Variants in TAF12 observed in about 807,000 individuals in gnomAD.
TAF12 encodes the protein transcription initiation factor TFIID subunit 12.
In TAF12, 3 loss-of-function variants were observed where a neutral mutation model predicts 20.8. The ratio of observed to expected loss-of-function variants is 0.14; its 90% CI spans 0.07 to 0.37. The LOEUF is 0.37. Ranked by LOEUF, TAF12 falls within the 10% of genes least tolerant of loss-of-function variation. The probability of loss-of-function intolerance (pLI) is 1.00; values close to 1 mark genes in which losing one functional copy is unlikely to be tolerated. For synonymous variants in TAF12, 69 were observed against 70.2 expected, an observed-to-expected ratio of 0.98 and a Z score of 0.09; for missense variants, 131 against 197.9, an observed-to-expected ratio of 0.66 and a Z score of 2.03.
intron 5 of TAF12, 142 bp from the exon 6 acceptor site, chr1:28,603,716 T>TG: frequency 1.3e-6 from 1 of 765,102 alleles, no homozygotes; most frequent in Non-Finnish European, 2.2e-6. Flanking sequence ...GGCATCTCAG[T>TG]AGATTCCTTT....
chr1:28,622,550 T>C (rs1667253256), intron 1 of TAF12, among the ~76,000 whole-genome samples: 1 of 151,996 alleles, frequency 6.6e-6, no homozygotes, highest in South Asian at 2.1e-4. Flanking sequence ...GTCCACAAAA[T>C]TTAAACAAGG....
At chr1:28,609,844 G>C (rs1292414531) in intron 4 of TAF12, among the ~76,000 whole-genome samples, 3 of 152,026 alleles carry the variant, frequency 2.0e-5, no homozygotes, top group Non-Finnish European at 4.4e-5. Context: ...CTCCCAAATT[G>C]AGGATATCCA....
At chr1:28,619,725 T>C (rs965251438) in intron 2 of TAF12, among the ~76,000 whole-genome samples, 2 of 113,118 alleles carry the variant, frequency 1.8e-5, no homozygotes, top group Non-Finnish European at 3.6e-5. Flanking sequence ...CTGAGGCGGG[T>C]GGATAACCTG....
At position 28,627,340 on chromosome 1, in the gene TAF12, A is replaced by C. The variant is rs192852405; in HGVS notation, c.-84-5175T>G. On this transcript the variant is annotated intron_variant, in intron 1 of 5. Coordinates refer to ENST00000373824, the MANE Select transcript of TAF12 (RefSeq NM_005644.4). ...GAGACAGAGGTTGCAGTGAGCTGAG[A>C]TAAGGCCACTGCACTCCAGCCTGGG... Among the ~76,000 whole-genome samples the C allele has an allele frequency of 2.7e-4, 40 of 149,444 alleles. 1 individual carries two copies. In the East Asian group the frequency reaches 7.3e-3, roughly 27 times the overall value.
intron 4 of TAF12, among the ~76,000 whole-genome samples, chr1:28,610,540 C>G (rs1286187628): frequency 1.3e-5 from 2 of 152,026 alleles, no homozygotes; most frequent in Non-Finnish European, 2.9e-5. Flanking sequence ...GTCTTGAACT[C>G]CTGGGCTGAA....
intron 2 of TAF12, among the ~76,000 whole-genome samples, chr1:28,621,656 A>G (rs1399983067): frequency 2.6e-5 from 4 of 152,312 alleles, no homozygotes; most frequent in Admixed American, 2.6e-4. Context: ...ATAATTTGCT[A>G]AAGAATGTTC....
At chr1:28,631,002 G>A (rs1277808789) in intron 1 of TAF12, among the ~76,000 whole-genome samples, 22 of 139,444 alleles carry the variant, frequency 1.6e-4, no homozygotes, top group Non-Finnish European at 3.0e-4. Context: ...CTGAGACCGT[G>A]CCACTGCACT....
chr1:28,603,536 G>A lies in TAF12; in HGVS notation c.*3C>T. ...GCTGTCCATTCCCTGACCTTTCCGTGTGTTATTTCTTGGTTGTTTTCCGGA... is the reference window on the plus strand; with the variant it reads ...GCTGTCCATTCCCTGACCTTTCCGTATGTTATTTCTTGGTTGTTTTCCGGA... On this transcript the variant is annotated 3_prime_UTR_variant, in exon 6 of 6. Transcript: ENST00000373824. 10 of 1,613,758 alleles carry A rather than the reference G, an allele frequency of 6.2e-6. No homozygotes were observed. Among genetic ancestry groups the A allele is most frequent in the Non-Finnish European group, 8.5e-6 (10 of 1,180,002 alleles).
chr1:28,641,293 G>C (rs1261322379), intron 1 of TAF12, among the ~76,000 whole-genome samples: 1 of 151,942 alleles, frequency 6.6e-6, no homozygotes. Context: ...ACACAGCCTG[G>C]CCAACATGGC....
intron 2 of TAF12, among the ~76,000 whole-genome samples, chr1:28,619,275 C>G (rs548650022): frequency 6.6e-6 from 1 of 151,530 alleles, no homozygotes. Flanking sequence ...GAGCGGATCA[C>G]GAGGTGAGAA....
chr1:28,629,315 T>A (rs559646488), intron 1 of TAF12, among the ~76,000 whole-genome samples: 9 of 152,180 alleles, frequency 5.9e-5, no homozygotes, highest in African/African-American at 2.2e-4. Context: ...TCTGCAGAAA[T>A]AGATCATACT....
rs778671845 is a variant in TAF12 at position 28,603,449 on chromosome 1, T to C, written c.*90A>G. On this transcript the variant is annotated 3_prime_UTR_variant, in exon 6 of 6. Coordinates refer to ENST00000373824, the MANE Select transcript of TAF12 (RefSeq NM_005644.4). ...AAATATATGCTTCTCTGTAAAGCATTAAAAAAAAAAATCCAAGGATGAGAT... is the reference window on the plus strand; with the variant it reads ...AAATATATGCTTCTCTGTAAAGCATCAAAAAAAAAAATCCAAGGATGAGAT... 9.1e-4 allele frequency: 1,002 copies of C among 1,106,168 alleles called. 1 individual carries two copies. The highest frequency in any genetic ancestry group is 1.1e-3 in the Non-Finnish European group (884 of 780,790). 68.5% of individuals were successfully genotyped at this position (1,106,168 alleles called of 1,614,324 possible).
At chr1:28,603,670 CTG>C in intron 5 of TAF12, 96 bp from the exon 6 acceptor site, 1 of 1,258,536 alleles carries the variant, frequency 7.9e-7, no homozygotes, top group Non-Finnish European at 1.2e-6. Context: ...ATGGTCTACA[CTG>C]TAGGCCGCAG....
At chr1:28,638,915 C>G (rs373668790) in intron 1 of TAF12, among the ~76,000 whole-genome samples, 11 of 151,268 alleles carry the variant, frequency 7.3e-5, no homozygotes, top group African/African-American at 2.7e-4. Context: ...CCTCAGCCTC[C>G]CAAGTAGCTG....
At chr1:28,620,386 G>A (rs550478485) in intron 2 of TAF12, among the ~76,000 whole-genome samples, 1 of 151,920 alleles carries the variant, frequency 6.6e-6, no homozygotes, top group South Asian at 2.1e-4. Context: ...GCCTGCCTTG[G>A]CCTCCCAAAG....
chr1:28,621,033 T>G (rs1246250940), intron 2 of TAF12, among the ~76,000 whole-genome samples: 1 of 152,302 alleles, frequency 6.6e-6, no homozygotes, highest in East Asian at 1.9e-4. Context: ...TTATGTTACT[T>G]TTACTCCTTT....
At chr1:28,634,259 CA>C (rs1181469091) in intron 1 of TAF12, among the ~76,000 whole-genome samples, 1 of 125,610 alleles carries the variant, frequency 8.0e-6, no homozygotes, top group Non-Finnish European at 1.7e-5. Flanking sequence ...ACTAAAAATA[CA>C]AAAAAATTAG....
intron 4 of TAF12, among the ~76,000 whole-genome samples, chr1:28,609,923 A>G (rs1434317047): frequency 1.3e-5 from 2 of 152,058 alleles, no homozygotes; most frequent in African/African-American, 4.8e-5. Context: ...GCCCCTGGTA[A>G]TCACCATTCT....
At chr1:28,611,339 G>A (rs181749892) in intron 4 of TAF12, among the ~76,000 whole-genome samples, 2 of 152,106 alleles carry the variant, frequency 1.3e-5, no homozygotes, top group Non-Finnish European at 2.9e-5. Flanking sequence ...CATCAGACAC[G>A]GAAGATATGA....
Sources: allele counts gnomAD v4.1 joint callset (sites outside exome capture counted in the v4.1 genomes callset), GRCh38; gene constraint gnomAD v4.1.1; transcripts MANE v1.5; gene names NCBI Gene and HGNC (gene_info 2026-07-23, HGNC 2026-07-21).